Variants in STXBP5L observed in about 807,000 individuals in gnomAD.
STXBP5L encodes the protein syntaxin binding protein 5L, also known as syntaxin-binding protein 5-like.
Under a neutral mutation model 144.5 loss-of-function variants are expected in STXBP5L, and 65 were observed. That is an observed-to-expected ratio of 0.45 (90% CI 0.37 to 0.55). The LOEUF (loss-of-function observed/expected upper bound fraction) is 0.55. Ranked by LOEUF, STXBP5L falls within the 20% of genes least tolerant of loss-of-function variation. The pLI is 0.00. For missense variants in STXBP5L, 1,298 were observed against 1,405.5 expected, an observed-to-expected ratio of 0.92 and a Z score of 1.22; for synonymous variants, 505 against 469.6, an observed-to-expected ratio of 1.08 and a Z score of -0.97.
chr3:121,002,417 A>G (rs2108051263), intron 3 of STXBP5L, among the ~76,000 whole-genome samples: 1 of 151,860 alleles, frequency 6.6e-6, no homozygotes, highest in African/African-American at 2.4e-5. Flanking sequence ...TTTGTTATTG[A>G]GTTATATGAG....
At chr3:121,140,812 G>A (rs2045465959) in intron 7 of STXBP5L, among the ~76,000 whole-genome samples, 1 of 152,128 alleles carries the variant, frequency 6.6e-6, no homozygotes, top group African/African-American at 2.4e-5. Flanking sequence ...GGAATAAATT[G>A]TAAGATATCT....
At chr3:121,291,541 A>G (rs539972190) in intron 19 of STXBP5L, among the ~76,000 whole-genome samples, 1 of 152,160 alleles carries the variant, frequency 6.6e-6, no homozygotes, top group Non-Finnish European at 1.5e-5. Context: ...TCTTCACAAA[A>G]CTAGAAAAAA....
intron 18 of STXBP5L, among the ~76,000 whole-genome samples, chr3:121,259,660 T>C (rs1246226728): frequency 6.6e-6 from 1 of 152,120 alleles, no homozygotes; most frequent in Non-Finnish European, 1.5e-5. Flanking sequence ...TTTGAACATA[T>C]TGAATGTATG....
At chr3:121,399,878 C>A (rs754495023) in intron 22 of STXBP5L, among the ~76,000 whole-genome samples, 1 of 152,200 alleles carries the variant, frequency 6.6e-6, no homozygotes, top group Non-Finnish European at 1.5e-5. Flanking sequence ...TTTCCAACAC[C>A]TATCACTTTT....
intron 5 of STXBP5L, among the ~76,000 whole-genome samples, chr3:121,057,952 TTA>T (rs1948575799): frequency 6.6e-6 from 1 of 151,436 alleles, no homozygotes; most frequent in Non-Finnish European, 1.5e-5. Flanking sequence ...GCTCTTTTAT[TTA>T]TGTTTTTTGT....
intron 20 of STXBP5L, among the ~76,000 whole-genome samples, chr3:121,360,232 TG>T (rs1289392167): frequency 1.3e-5 from 2 of 151,480 alleles, no homozygotes; most frequent in Non-Finnish European, 2.9e-5. Context: ...CTCCTTTTTT[TG>T]GTTTCAATTG....
intron 3 of STXBP5L, among the ~76,000 whole-genome samples, chr3:121,023,549 A>T (rs193235237): frequency 2.0e-5 from 3 of 152,206 alleles, no homozygotes; most frequent in Admixed American, 1.3e-4. Flanking sequence ...ATAGTTATGT[A>T]GACAAATGGA....
intron 5 of STXBP5L, among the ~76,000 whole-genome samples, chr3:121,078,212 G>T (rs1050130473): frequency 4.6e-5 from 7 of 152,056 alleles, no homozygotes; most frequent in Non-Finnish European, 1.0e-4. Flanking sequence ...CAAACCTTGA[G>T]CTAGATACAG....
At chr3:121,168,504 A>C (rs1385176986) in intron 9 of STXBP5L, among the ~76,000 whole-genome samples, 1 of 152,196 alleles carries the variant, frequency 6.6e-6, no homozygotes, top group Non-Finnish European at 1.5e-5. Context: ...AAATGACCTG[A>C]TGGAGCTGAA....
At chr3:121,369,528 G>C (rs1323594077) in intron 20 of STXBP5L, among the ~76,000 whole-genome samples, 1 of 151,898 alleles carries the variant, frequency 6.6e-6, no homozygotes, top group East Asian at 1.9e-4. Context: ...TTGGCCACTG[G>C]AGGTTTATTT....
At chr3:120,995,239 C>G (rs888690239) in intron 3 of STXBP5L, among the ~76,000 whole-genome samples, 1 of 152,162 alleles carries the variant, frequency 6.6e-6, no homozygotes, top group Non-Finnish European at 1.5e-5. Flanking sequence ...CCTTGACCTT[C>G]TAGGCTCAAG....
intron 14 of STXBP5L, among the ~76,000 whole-genome samples, chr3:121,248,127 A>G (rs2049914382): frequency 6.6e-6 from 1 of 151,986 alleles, no homozygotes; most frequent in African/African-American, 2.4e-5. Context: ...GCAGTGGCAC[A>G]GTCTCGGCTC....
chr3:121,011,946 A>G (rs1944805251), intron 3 of STXBP5L, among the ~76,000 whole-genome samples: 1 of 151,854 alleles, frequency 6.6e-6, no homozygotes, highest in Non-Finnish European at 1.5e-5. Context: ...CTCTGTACCT[A>G]TTAGACAGTC....
intron 5 of STXBP5L, among the ~76,000 whole-genome samples, chr3:121,076,096 T>C (rs1400453731): frequency 6.6e-6 from 1 of 152,214 alleles, no homozygotes; most frequent in East Asian, 1.9e-4. Context: ...GAAGAGCTGT[T>C]CTGCCCCTTG....
chr3:121,358,219 A>T (rs1347014410), intron 20 of STXBP5L, among the ~76,000 whole-genome samples: 1 of 151,722 alleles, frequency 6.6e-6, no homozygotes. Context: ...TTTCTTTCTA[A>T]TTTTTTCTAC....
At chr3:121,151,823 T>C (rs1376629878) in intron 7 of STXBP5L, among the ~76,000 whole-genome samples, 1 of 143,136 alleles carries the variant, frequency 7.0e-6, no homozygotes. Flanking sequence ...GCAAAAGTTA[T>C]CAGTATGGCT....
chr3:121,229,528 A>G (rs943130259), intron 11 of STXBP5L, among the ~76,000 whole-genome samples: 3 of 152,080 alleles, frequency 2.0e-5, no homozygotes, highest in African/African-American at 4.8e-5. Context: ...TATTTAACAG[A>G]TAACAACCAT....
intron 22 of STXBP5L, among the ~76,000 whole-genome samples, chr3:121,382,098 A>G (rs1350476971): frequency 6.6e-6 from 1 of 151,610 alleles, no homozygotes. Flanking sequence ...TCCTCCTTGA[A>G]TTATCTTTTT....
chr3:121,102,090 A>G (rs929956567), intron 5 of STXBP5L, among the ~76,000 whole-genome samples: 1 of 152,140 alleles, frequency 6.6e-6, no homozygotes, highest in Non-Finnish European at 1.5e-5. Context: ...AAAATATTTC[A>G]TGCTTATGGA....
Sources: gnomAD v4.1 joint callset for allele counts (sites outside exome capture counted in the v4.1 genomes callset) on GRCh38, gnomAD v4.1.1 for gene constraint, MANE v1.5 for transcripts, NCBI Gene and HGNC (gene_info 2026-07-23, HGNC 2026-07-21) for gene names.